Variants in C12orf42 observed in about 807,000 individuals in gnomAD.
C12orf42 encodes chromosome 12 open reading frame 42.
Under a neutral mutation model 21.6 loss-of-function variants are expected in C12orf42, and 25 were observed. The ratio of observed to expected loss-of-function variants is 1.16; its 90% CI spans 0.84 to 1.62. The LOEUF is 1.62. Ranked by LOEUF, C12orf42 falls within the 40% of genes most tolerant of loss-of-function variation. C12orf42 has a pLI of 0.00. For synonymous variants in C12orf42, 174 were observed against 175.0 expected (o/e 0.99, Z 0.05); for missense variants, 483 against 459.3 (o/e 1.05, Z -0.47).
chr12:103,270,077 TA>T (rs2035370039), intron 5 of C12orf42: 1 of 152,278 alleles, frequency 6.6e-6, no homozygotes, highest in African/African-American at 2.4e-5. Flanking sequence ...ATTTTGACAC[TA>T]ATGGGAAGTC....
the C12orf42 span, among the ~76,000 whole-genome samples, chr12:103,226,046 A>G: frequency 6.6e-6 from 1 of 152,130 alleles, no homozygotes; most frequent in Non-Finnish European, 1.5e-5. Context: ...GAACAGTCCA[A>G]TTTTCAGTGG....
intron 1 of C12orf42, among the ~76,000 whole-genome samples, chr12:103,493,810 A>T (rs1199521126): frequency 1.3e-5 from 2 of 152,014 alleles, no homozygotes; most frequent in Non-Finnish European, 2.9e-5. Context: ...ATTAGCATTT[A>T]TGGAAAATAA....
chr12:103,385,933 T>C (rs2046575593), intron 3 of C12orf42, among the ~76,000 whole-genome samples: 1 of 152,156 alleles, frequency 6.6e-6, no homozygotes, highest in African/African-American at 2.4e-5. Context: ...CTGATCACTG[T>C]GATCAAAAAG....
chr12:103,069,373 A>T, the C12orf42 span, among the ~76,000 whole-genome samples: 1 of 152,132 alleles, frequency 6.6e-6, no homozygotes, highest in African/African-American at 2.4e-5. Flanking sequence ...CGTTAAAATT[A>T]TCATGACCCA....
chr12:103,506,816 TTA>T, the C12orf42 span, among the ~76,000 whole-genome samples: 21 of 93,238 alleles, frequency 2.3e-4, no homozygotes, highest in Middle Eastern at 8.4e-3. Flanking sequence ...AAATACATGT[TTA>T]TATATATATT....
At chr12:103,428,983 C>T (rs538280696) in intron 2 of C12orf42, among the ~76,000 whole-genome samples, 1 of 152,116 alleles carries the variant, frequency 6.6e-6, no homozygotes, top group South Asian at 2.1e-4. Context: ...ATAATAAGAG[C>T]TATTTATGAC....
chr12:103,228,185 G>A, the C12orf42 span, among the ~76,000 whole-genome samples: 3 of 152,136 alleles, frequency 2.0e-5, no homozygotes, highest in Non-Finnish European at 2.9e-5. Context: ...GGGTGCAGGC[G>A]GGCTGAGTCC....
chr12:103,318,418 C>A (rs2039749826), intron 4 of C12orf42, among the ~76,000 whole-genome samples: 2 of 152,138 alleles, frequency 1.3e-5, no homozygotes, highest in Non-Finnish European at 2.9e-5. Flanking sequence ...TTATAGAATA[C>A]CCATTGTTTT....
At chr12:103,296,179 C>T (rs906713045) in intron 4 of C12orf42, among the ~76,000 whole-genome samples, 1 of 152,000 alleles carries the variant, frequency 6.6e-6, no homozygotes, top group Non-Finnish European at 1.5e-5. Context: ...CATGTCCCTA[C>T]AAAGGACATG....
intron 4 of C12orf42, among the ~76,000 whole-genome samples, chr12:103,352,422 G>A (rs1288822639): frequency 2.0e-5 from 3 of 152,084 alleles, no homozygotes; most frequent in African/African-American, 7.2e-5. Context: ...ATATATCTTG[G>A]TATATTTCAA....
At chr12:103,451,668 T>C (rs1465351269) in intron 2 of C12orf42, among the ~76,000 whole-genome samples, 1 of 152,122 alleles carries the variant, frequency 6.6e-6, no homozygotes, top group Non-Finnish European at 1.5e-5. Context: ...ACATTCTGCC[T>C]GGAAACAAAC....
chr12:103,171,133 G>T, the C12orf42 span, among the ~76,000 whole-genome samples: 23 of 151,966 alleles, frequency 1.5e-4, no homozygotes, highest in African/African-American at 5.5e-4. Context: ...TTTATTTATT[G>T]AGATTTCTGC....
the C12orf42 span, among the ~76,000 whole-genome samples, chr12:103,198,249 G>C: frequency 8.9e-4 from 136 of 152,326 alleles, 1 homozygote; most frequent in African/African-American, 3.1e-3. Flanking sequence ...GCATGCACTA[G>C]CTTCACCTGC....
At chr12:103,401,791 T>C (rs2048023638) in intron 2 of C12orf42, 116 bp from the exon 3 acceptor site, 1 of 949,816 alleles carries the variant, frequency 1.1e-6, no homozygotes, top group African/African-American at 1.6e-5. Flanking sequence ...AAACAATGGC[T>C]GTTCATTCAC....
chr12:103,162,506 G>GGTGTGTGTGT, the C12orf42 span, among the ~76,000 whole-genome samples: 12 of 147,634 alleles, frequency 8.1e-5, no homozygotes, highest in South Asian at 2.2e-4. Context: ...CCAACAAGCT[G>GGTGTGTGTGT]GTGTGTGTGT....
At chr12:103,426,107 G>A (rs1949786798) in intron 2 of C12orf42, among the ~76,000 whole-genome samples, 1 of 152,218 alleles carries the variant, frequency 6.6e-6, no homozygotes, top group Non-Finnish European at 1.5e-5. Context: ...GACGGAGAAT[G>A]AGCTTGATGA....
At chr12:103,177,453 A>C in the C12orf42 span, among the ~76,000 whole-genome samples, 1 of 152,216 alleles carries the variant, frequency 6.6e-6, no homozygotes, top group Admixed American at 6.5e-5. Flanking sequence ...AGGTTTCCAA[A>C]GAGCTAAAGA....
intron 4 of C12orf42, among the ~76,000 whole-genome samples, chr12:103,337,229 T>C (rs2041774423): frequency 1.3e-5 from 2 of 152,210 alleles, no homozygotes; most frequent in Admixed American, 6.5e-5. Flanking sequence ...TCTGCCCCTT[T>C]GTGCACAGCT....
intron 4 of C12orf42, among the ~76,000 whole-genome samples, chr12:103,292,003 G>T (rs1383057605): frequency 1.3e-5 from 2 of 152,110 alleles, no homozygotes; most frequent in Non-Finnish European, 2.9e-5. Flanking sequence ...ATAGTCAAAA[G>T]GTGGACACAG....
Sources: gnomAD v4.1 joint callset for allele counts (sites outside exome capture counted in the v4.1 genomes callset) on GRCh38, gnomAD v4.1.1 for gene constraint, MANE v1.5 for transcripts, NCBI Gene and HGNC (gene_info 2026-07-23, HGNC 2026-07-21) for gene names.